PRCP: variants seen among roughly 807,000 people sequenced by gnomAD.
The protein encoded by PRCP is prolylcarboxypeptidase, also known as lysosomal Pro-X carboxypeptidase.
In PRCP, 46 loss-of-function variants were observed where a neutral mutation model predicts 54.2. That is an observed-to-expected ratio of 0.85 (90% confidence interval 0.67 to 1.09). The LOEUF (loss-of-function observed/expected upper bound fraction) is 1.09. Among genes scored for constraint, PRCP ranks in the 50% least tolerant of loss-of-function variants. The pLI is 0.00. For missense variants in PRCP, 613 were observed against 596.8 expected (o/e 1.03, Z -0.28); for synonymous variants, 240 against 212.2 (o/e 1.13, Z -1.14).
intron 6 of PRCP, among the ~76,000 whole-genome samples, chr11:82,841,028 T>A (rs1174154546): frequency 2.4e-5 from 2 of 81,762 alleles, no homozygotes; most frequent in Non-Finnish European, 5.1e-5. Flanking sequence ...CCTTTTCCAT[T>A]TCATACGGAA....
At chr11:82,836,195 G>GAAAAAAAAAAAAAAAAAA (rs767035852) in intron 8 of PRCP, 1 of 79,468 alleles carries the variant, frequency 1.3e-5, no homozygotes, top group African/African-American at 5.4e-5. Flanking sequence ...TCCATCTCGA[G>GAAAAAAAAAAAAAAAAAA]GAAAAAAAAA....
At chr11:82,866,203 G>C (rs775169099) in intron 1 of PRCP, among the ~76,000 whole-genome samples, 7 of 152,186 alleles carry the variant, frequency 4.6e-5, no homozygotes, top group Non-Finnish European at 1.0e-4. Context: ...AAGAATTAAA[G>C]AGGAAACGGT....
intron 1 of PRCP, chr11:82,884,803 A>G (rs1859828524): frequency 1.2e-6 from 2 of 1,610,804 alleles, no homozygotes; most frequent in Middle Eastern, 1.7e-4. Context: ...CAAATGCAGA[A>G]TGAAAAAAAT....
intron 6 of PRCP, among the ~76,000 whole-genome samples, chr11:82,844,362 G>T (rs1858750121): frequency 1.3e-5 from 2 of 152,118 alleles, no homozygotes; most frequent in East Asian, 3.9e-4. Context: ...GTTCAAGGCT[G>T]CAGTGAGCTA....
intron 1 of PRCP, among the ~76,000 whole-genome samples, chr11:82,869,427 C>T (rs1015928284): frequency 2.8e-5 from 4 of 144,692 alleles, no homozygotes; most frequent in Admixed American, 1.4e-4. Flanking sequence ...AGAAAGAAAG[C>T]GGTATAGAGA....
At chr11:82,890,169 T>G (rs1424127695) in intron 1 of PRCP, among the ~76,000 whole-genome samples, 2 of 152,216 alleles carry the variant, frequency 1.3e-5, no homozygotes. Context: ...AACAGTTACA[T>G]CAAATGGCCT....
intron 1 of PRCP, chr11:82,899,994 A>T: frequency 1.9e-6 from 1 of 514,940 alleles, no homozygotes; most frequent in Non-Finnish European, 3.4e-6. Context: ...GTGTCCAATT[A>T]CAGAAAAGCC....
At chr11:82,899,101 G>A (rs908030809) in intron 1 of PRCP, among the ~76,000 whole-genome samples, 1 of 152,198 alleles carries the variant, frequency 6.6e-6, no homozygotes, top group Non-Finnish European at 1.5e-5. Context: ...GCTCACACCT[G>A]TAATCCCAAC....
chr11:82,886,269 T>C (rs377465538), intron 1 of PRCP, among the ~76,000 whole-genome samples: 1 of 152,192 alleles, frequency 6.6e-6, no homozygotes, highest in African/African-American at 2.4e-5. Context: ...AAATCAGCCA[T>C]GAACTTCCTG....
intron 1 of PRCP, among the ~76,000 whole-genome samples, chr11:82,899,601 A>C (rs1220864375): frequency 1.3e-5 from 2 of 152,146 alleles, no homozygotes; most frequent in Admixed American, 6.5e-5. Context: ...AAGCCCAAAA[A>C]CCTCTAATTT....
rs559598544 is a variant in PRCP, at chr11:82,854,196, G to A, written c.310-918C>T. ...AAAGAAATAAAAGGCATCCAAACAG[G>A]AAGAGAGGATGTCAAACTGTCTCTT... On this transcript the variant is annotated intron_variant, in intron 2 of 8. Transcript: ENST00000313010. 6.6e-5 allele frequency among the ~76,000 whole-genome samples: 10 copies of A among 152,228 alleles called. No homozygotes were observed. The South Asian group carries it at 2.1e-3, about 32-fold the overall frequency.
At chr11:82,882,915 A>C (rs1859785835) in intron 1 of PRCP, among the ~76,000 whole-genome samples, 1 of 148,824 alleles carries the variant, frequency 6.7e-6, no homozygotes, top group African/African-American at 2.5e-5. Context: ...CTCCAGACCT[A>C]AAGAACGATG....
chr11:82,892,163 C>A (rs969341014), intron 1 of PRCP, among the ~76,000 whole-genome samples: 10 of 151,920 alleles, frequency 6.6e-5, no homozygotes, highest in Non-Finnish European at 7.4e-5. Context: ...ATCATGATGT[C>A]AATGAAAGAT....
At chr11:82,899,704 T>C (rs1860207420) in intron 1 of PRCP, among the ~76,000 whole-genome samples, 1 of 152,004 alleles carries the variant, frequency 6.6e-6, no homozygotes, top group Non-Finnish European at 1.5e-5. Flanking sequence ...TTCAGTCTTA[T>C]GGGGAATAGG....
chr11:82,899,832 A>C (rs1210087146), intron 1 of PRCP: 1 of 190,418 alleles, frequency 5.3e-6, no homozygotes, highest in Non-Finnish European at 1.1e-5. Context: ...AAAGATATTA[A>C]AATTTGTATT....
intron 1 of PRCP, among the ~76,000 whole-genome samples, chr11:82,896,922 T>C (rs1278833757): frequency 6.6e-6 from 1 of 152,152 alleles, no homozygotes; most frequent in Non-Finnish European, 1.5e-5. Flanking sequence ...CTCCCAATTT[T>C]ACCACTGAGA....
rs1334253835 is a variant in PRCP at position 82,835,919 on chromosome 11, G to A, written c.1274+2468C>T. On this transcript the variant is annotated intron_variant, in intron 8 of 8. Transcript: ENST00000313010. The stretch of plus-strand genomic sequence containing the variant: ...ACTAAAGACACAGCTCTAGCCGGGC[G>A]TGGTGGCTCATGCCTGTAGTCCCAG... The A allele has an allele frequency of 1.0e-4, 39 of 389,294 alleles. 1 individual carries two copies. The highest frequency in any genetic ancestry group is 3.4e-4 in the South Asian group (17 of 50,016). 24.1% of individuals were successfully genotyped at this position (389,294 alleles called of 1,614,324 possible).
At chr11:82,866,067 G>A (rs1407006017) in intron 1 of PRCP, among the ~76,000 whole-genome samples, 1 of 152,192 alleles carries the variant, frequency 6.6e-6, no homozygotes, top group Non-Finnish European at 1.5e-5. Flanking sequence ...TCTGGCTCTT[G>A]GATGACTCCT....
At chr11:82,871,664 T>C (rs760912238) in intron 1 of PRCP, among the ~76,000 whole-genome samples, 3 of 152,208 alleles carry the variant, frequency 2.0e-5, no homozygotes, top group Non-Finnish European at 2.9e-5. Flanking sequence ...CTGTGATCTA[T>C]GTAACTCACA....
Sources: allele counts gnomAD v4.1 joint callset (sites outside exome capture counted in the v4.1 genomes callset), GRCh38; gene constraint gnomAD v4.1.1; transcripts MANE v1.5; gene names NCBI Gene and HGNC (gene_info 2026-07-23, HGNC 2026-07-21).